SEMA3A: variants seen among roughly 807,000 people sequenced by gnomAD.
The protein encoded by SEMA3A is semaphorin-3A.
In SEMA3A, 29 loss-of-function variants were observed where a neutral mutation model predicts 97.9. The ratio of observed to expected loss-of-function variants is 0.30; its 90% CI spans 0.22 to 0.40. The LOEUF (loss-of-function observed/expected upper bound fraction) is 0.40. Among genes scored for constraint, SEMA3A ranks in the 10% least tolerant of loss-of-function variants. SEMA3A has a pLI of 1.00. For synonymous variants in SEMA3A, 321 were observed against 323.7 expected (o/e 0.99, Z 0.09); for missense variants, 763 against 951.3 (o/e 0.80, Z 2.60).
At chr7:84,333,252 T>A (rs1238047687) in intron 2 of SEMA3A, among the ~76,000 whole-genome samples, 1 of 152,258 alleles carries the variant, frequency 6.6e-6, no homozygotes, top group East Asian at 1.9e-4. Context: ...CCATTGATGC[T>A]CCCTAAGTTG....
intron 12 of SEMA3A, among the ~76,000 whole-genome samples, chr7:84,000,962 T>G (rs1336117582): frequency 6.6e-6 from 1 of 152,110 alleles, no homozygotes; most frequent in African/African-American, 2.4e-5. Context: ...ATTCATTTTA[T>G]AGGTAAACTA....
Position 84,395,985 on chromosome 7 carries a change from A to G in SEMA3A, c.-245-24085T>C, listed in dbSNP as rs548404815. Among the ~76,000 whole-genome samples the G allele has an allele frequency of 9.2e-5, 14 of 152,284 alleles. No individual in the cohort carries two copies. The South Asian group carries it at 2.9e-3, about 32-fold the overall frequency. On this transcript the variant is annotated intron_variant, in intron 1 of 3. Transcript: ENST00000424555. ...GTACCTGAAGGAAACAATTCATTGC[A>G]TTAAAGCAGAATCAAGAACTGGAAG...
At chr7:84,418,029 C>T (rs1414465722) in intron 1 of SEMA3A, among the ~76,000 whole-genome samples, 2 of 152,148 alleles carry the variant, frequency 1.3e-5, no homozygotes, top group South Asian at 2.1e-4. Flanking sequence ...TATTAGGCGT[C>T]GCCTTGACTG....
chr7:83,981,826 A>C (rs1789426923), intron 13 of SEMA3A, among the ~76,000 whole-genome samples: 1 of 152,154 alleles, frequency 6.6e-6, no homozygotes. Context: ...CTCATATACC[A>C]AAATGTCTTT....
intron 6 of SEMA3A, among the ~76,000 whole-genome samples, chr7:84,018,522 C>G (rs879295790): frequency 6.6e-6 from 1 of 151,740 alleles, no homozygotes; most frequent in South Asian, 2.1e-4. Context: ...ACAGAAAGAA[C>G]AAAAATAAGA....
At chr7:84,455,688 A>T (rs946892555) in intron 1 of SEMA3A, among the ~76,000 whole-genome samples, 5 of 151,998 alleles carry the variant, frequency 3.3e-5, no homozygotes, top group African/African-American at 1.2e-4. Context: ...AGTTGTGTAC[A>T]ATTAAGAGTA....
chr7:84,147,800 C>T (rs1009506196), intron 1 of SEMA3A, among the ~76,000 whole-genome samples: 1 of 152,166 alleles, frequency 6.6e-6, no homozygotes, highest in Non-Finnish European at 1.5e-5. Context: ...TACAACATGC[C>T]TGGTGCTATA....
chr7:84,428,059 T>C (rs1179554368), intron 1 of SEMA3A, among the ~76,000 whole-genome samples: 4 of 152,138 alleles, frequency 2.6e-5, no homozygotes, highest in African/African-American at 9.6e-5. Context: ...AAATAGTTAA[T>C]TTCTATTACT....
chr7:84,133,886 T>TA (rs60263065), intron 2 of SEMA3A, among the ~76,000 whole-genome samples: 7,766 of 78,784 alleles, frequency 0.099, 456 homozygotes, highest in Middle Eastern at 0.15. Context: ...TCGTCTCTAC[T>TA]AAAAAAAAAA....
intron 2 of SEMA3A, among the ~76,000 whole-genome samples, chr7:84,351,478 G>A (rs2116026256): frequency 6.6e-6 from 1 of 151,802 alleles, no homozygotes; most frequent in Admixed American, 6.6e-5. Context: ...TATGGCAAAG[G>A]ATTCATAACC....
intron 12 of SEMA3A, among the ~76,000 whole-genome samples, chr7:83,989,887 T>C (rs1391716629): frequency 2.0e-5 from 3 of 151,092 alleles, no homozygotes; most frequent in Non-Finnish European, 4.4e-5. Context: ...CCTGAGGAAT[T>C]ACCACACTGA....
chr7:84,410,937 AG>A (rs1189451703), intron 1 of SEMA3A, among the ~76,000 whole-genome samples: 3 of 152,092 alleles, frequency 2.0e-5, no homozygotes, highest in Non-Finnish European at 4.4e-5. Flanking sequence ...AACTTACTTC[AG>A]GTTTTTCTTG....
intron 3 of SEMA3A, among the ~76,000 whole-genome samples, chr7:84,284,102 A>C (rs1800522730): frequency 6.6e-6 from 1 of 152,088 alleles, no homozygotes; most frequent in African/African-American, 2.4e-5. Context: ...ATTTGTTTTT[A>C]AATTTAGATA....
intron 1 of SEMA3A, among the ~76,000 whole-genome samples, chr7:84,470,095 A>C (rs1364841053): frequency 2.0e-5 from 3 of 151,888 alleles, no homozygotes; most frequent in Non-Finnish European, 4.4e-5. Context: ...TGTATTCACC[A>C]ATTACTAAAT....
intron 3 of SEMA3A, among the ~76,000 whole-genome samples, chr7:84,241,556 G>T (rs1799364951): frequency 6.6e-6 from 1 of 152,046 alleles, no homozygotes; most frequent in South Asian, 2.1e-4. Context: ...TCTGTAGGTT[G>T]CCTGCTCACT....
intron 1 of SEMA3A, among the ~76,000 whole-genome samples, chr7:84,378,214 T>G (rs535585471): frequency 1.3e-5 from 2 of 152,188 alleles, no homozygotes; most frequent in South Asian, 2.1e-4. Flanking sequence ...TATATTAATA[T>G]TCAAAAGAAA....
At chr7:84,173,515 C>A (rs919550881) in intron 1 of SEMA3A, among the ~76,000 whole-genome samples, 3 of 145,046 alleles carry the variant, frequency 2.1e-5, no homozygotes, top group Non-Finnish European at 4.5e-5. Context: ...GCCGAGATCA[C>A]GCCACTGCAC....
At chr7:84,340,341 T>G (rs1416321323) in intron 2 of SEMA3A, among the ~76,000 whole-genome samples, 4 of 152,134 alleles carry the variant, frequency 2.6e-5, no homozygotes, top group African/African-American at 9.7e-5. Context: ...CTCTAGTAAT[T>G]TTGAACTTAG....
chr7:83,998,285 C>T (rs756789323), intron 12 of SEMA3A, among the ~76,000 whole-genome samples: 5 of 152,114 alleles, frequency 3.3e-5, no homozygotes, highest in Admixed American at 6.5e-5. Flanking sequence ...TCCTAGGATA[C>T]GAACCTGTAT....
Sources: gnomAD v4.1 joint callset for allele counts (sites outside exome capture counted in the v4.1 genomes callset) on GRCh38, gnomAD v4.1.1 for gene constraint, MANE v1.5 for transcripts, NCBI Gene and HGNC (gene_info 2026-07-23, HGNC 2026-07-21) for gene names.